CSMD1: variants seen among roughly 807,000 people sequenced by gnomAD.
CSMD1 encodes CUB and Sushi multiple domains 1.
CSMD1 carries 213 observed loss-of-function variants against 417.5 expected under a neutral mutation model. That is an observed-to-expected ratio of 0.51 (90% confidence interval 0.46 to 0.57). The LOEUF (loss-of-function observed/expected upper bound fraction) is 0.57, where lower values mean the gene tolerates loss of function less well. CSMD1 is among the 20% of genes least tolerant of loss of function. CSMD1 has a pLI of 0.00. For missense variants in CSMD1, 6,923 were observed against 4,529.7 expected, an observed-to-expected ratio of 1.53 and a Z score of -15.17; for synonymous variants, 2,862 against 1,736.8, an observed-to-expected ratio of 1.65 and a Z score of -16.11.
rs112261592 is a variant in CSMD1, at chr8:3,985,078, C to G, written c.818+12825G>C. Among the ~76,000 whole-genome samples the G allele has an allele frequency of 4.7e-3, 718 of 152,066 alleles. 6 individuals are homozygous for G. Among genetic ancestry groups the G allele is most frequent in the African/African-American group, 0.016 (651 of 41,492 alleles). On this transcript the variant is annotated intron_variant, in intron 5 of 69. Transcript: ENST00000635120. Reference sequence around the variant, plus strand: ...TTCTTAGCTTTCAAAAACACTGTGGCTTTTATGTTACTTAGGGGGGACTTG... The same window carrying G: ...TTCTTAGCTTTCAAAAACACTGTGGGTTTTATGTTACTTAGGGGGGACTTG...
At chr8:4,334,071 G>A (rs1487088804) in intron 3 of CSMD1, among the ~76,000 whole-genome samples, 3 of 151,902 alleles carry the variant, frequency 2.0e-5, no homozygotes, top group Admixed American at 1.3e-4. Flanking sequence ...TTATGATGAT[G>A]ATGATGATGA....
chr8:4,796,712 G>C (rs928994091), intron 1 of CSMD1, among the ~76,000 whole-genome samples: 2 of 152,156 alleles, frequency 1.3e-5, no homozygotes, highest in African/African-American at 4.8e-5. Context: ...TTCCCTCCTT[G>C]TACCAGGGCT....
At chr8:4,522,821 A>T (rs566166097) in intron 2 of CSMD1, among the ~76,000 whole-genome samples, 6 of 152,318 alleles carry the variant, frequency 3.9e-5, no homozygotes, top group African/African-American at 1.4e-4. Flanking sequence ...AACAGTAAGA[A>T]TAGCACACAC....
At chr8:3,313,158 T>TA (rs573765533) in intron 23 of CSMD1, among the ~76,000 whole-genome samples, 59 of 152,262 alleles carry the variant, frequency 3.9e-4, no homozygotes, top group Non-Finnish European at 6.6e-4. Context: ...CCTAAAACCA[T>TA]AAAAACTCTA....
chr8:3,721,111 C>T (rs1334849991), intron 6 of CSMD1, among the ~76,000 whole-genome samples: 2 of 152,188 alleles, frequency 1.3e-5, no homozygotes, highest in African/African-American at 4.8e-5. Context: ...GTGTGAGCCA[C>T]CATGCCCGGC....
intron 5 of CSMD1, among the ~76,000 whole-genome samples, chr8:3,985,520 T>C (rs893203859): frequency 3.3e-5 from 5 of 152,120 alleles, no homozygotes; most frequent in African/African-American, 1.2e-4. Flanking sequence ...AAGAGCCAGA[T>C]ACAACGAACA....
chr8:3,524,592 G>A (rs1797676540), intron 10 of CSMD1, among the ~76,000 whole-genome samples: 1 of 136,106 alleles, frequency 7.3e-6, no homozygotes, highest in Non-Finnish European at 1.6e-5. Context: ...CACACACAAG[G>A]ACACACATCC....
intron 21 of CSMD1, among the ~76,000 whole-genome samples, chr8:3,354,826 G>A (rs1808639155): frequency 2.6e-5 from 2 of 78,408 alleles, no homozygotes; most frequent in African/African-American, 1.4e-4. Context: ...TATATCTATA[G>A]ATACATATAT....
chr8:4,917,785 T>C (rs535295421), intron 1 of CSMD1, among the ~76,000 whole-genome samples: 1 of 152,154 alleles, frequency 6.6e-6, no homozygotes, highest in Non-Finnish European at 1.5e-5. Context: ...AAAGCCATAA[T>C]GTGAAAAGTG....
chr8:4,790,424 CA>C (rs1221309804), intron 1 of CSMD1, among the ~76,000 whole-genome samples: 1 of 152,054 alleles, frequency 6.6e-6, no homozygotes, highest in Non-Finnish European at 1.5e-5. Flanking sequence ...TTTACAGATT[CA>C]AAACTATTCC....
At chr8:3,531,649 A>G (rs1022721070) in intron 10 of CSMD1, among the ~76,000 whole-genome samples, 1 of 152,168 alleles carries the variant, frequency 6.6e-6, no homozygotes. Flanking sequence ...CAATACAGGA[A>G]GTAGAACAAA....
At chr8:3,774,832 A>G (rs1456457434) in intron 5 of CSMD1, among the ~76,000 whole-genome samples, 5 of 152,200 alleles carry the variant, frequency 3.3e-5, no homozygotes, top group Admixed American at 6.5e-5. Context: ...CTCAAGGGAT[A>G]CATTCCAAGA....
intron 4 of CSMD1, among the ~76,000 whole-genome samples, chr8:4,008,344 C>G (rs954948574): frequency 1.3e-5 from 2 of 151,700 alleles, no homozygotes; most frequent in East Asian, 1.9e-4. Context: ...ATGGAAGCTC[C>G]TTTTATTCCA....
intron 2 of CSMD1, among the ~76,000 whole-genome samples, chr8:4,484,575 C>T (rs930940709): frequency 2.6e-5 from 4 of 152,102 alleles, no homozygotes; most frequent in Non-Finnish European, 5.9e-5. Context: ...ATTCATCACT[C>T]GCTCTCTCAG....
chr8:4,555,697 G>C (rs548765061), intron 2 of CSMD1, among the ~76,000 whole-genome samples: 1 of 152,260 alleles, frequency 6.6e-6, no homozygotes, highest in Admixed American at 6.5e-5. Context: ...CTCTTTAGGG[G>C]TGAGATTCTT....
At position 3,307,143 on chromosome 8, in the gene CSMD1, G is replaced by C. The variant is rs191453774; in HGVS notation, c.3950+552C>G. 4.6e-5 allele frequency among the ~76,000 whole-genome samples: 7 copies of C among 152,164 alleles called. No homozygotes were observed. The East Asian group carries it at 1.4e-3, about 29-fold the overall frequency. On this transcript the variant is annotated intron_variant, in intron 25 of 69. Coordinates refer to ENST00000635120, the MANE Select transcript of CSMD1 (RefSeq NM_033225.6). ...AGTAGAGTGTATTTCTTCATATCTT[G>C]AGTCTTGCCTAGCCCATGAGACTTG...
intron 2 of CSMD1, among the ~76,000 whole-genome samples, chr8:4,591,442 G>T (rs1347259602): frequency 1.3e-5 from 2 of 152,224 alleles, no homozygotes; most frequent in Non-Finnish European, 2.9e-5. Flanking sequence ...AATGAGCAAA[G>T]CTGTTGAGCA....
At chr8:4,770,380 G>T (rs981733228) in intron 1 of CSMD1, among the ~76,000 whole-genome samples, 1 of 148,206 alleles carries the variant, frequency 6.7e-6, no homozygotes, top group Non-Finnish European at 1.5e-5. Context: ...TATGTAGTAC[G>T]TAATTAAGCT....
intron 1 of CSMD1, among the ~76,000 whole-genome samples, chr8:4,990,777 G>A (rs1811419937): frequency 2.0e-5 from 3 of 152,182 alleles, no homozygotes; most frequent in East Asian, 1.9e-4. Flanking sequence ...AAAGGAGTCT[G>A]ACCTGCAAAT....
Sources: gnomAD v4.1 joint callset for allele counts (sites outside exome capture counted in the v4.1 genomes callset) on GRCh38, gnomAD v4.1.1 for gene constraint, MANE v1.5 for transcripts, NCBI Gene and HGNC (gene_info 2026-07-23, HGNC 2026-07-21) for gene names.